SLIT3: variants seen among roughly 807,000 people sequenced by gnomAD.
SLIT3 encodes slit homolog 3 protein.
SLIT3 carries 68 observed loss-of-function variants against 184.0 expected under a neutral mutation model. The ratio of observed to expected loss-of-function variants is 0.37; its 90% CI spans 0.30 to 0.45. The LOEUF (loss-of-function observed/expected upper bound fraction) is 0.45, where lower values mean the gene tolerates loss of function less well. Among genes scored for constraint, SLIT3 ranks in the 20% least tolerant of loss-of-function variants. The probability of loss-of-function intolerance (pLI) is 1.00; values close to 1 mark genes in which losing one functional copy is unlikely to be tolerated. For synonymous variants in SLIT3, 831 were observed against 828.6 expected (o/e 1.00, Z -0.05); for missense variants, 1,707 against 2,026.0 (o/e 0.84, Z 3.02).
At chr5:168,720,524 CACACGGA>C (rs1337877739) in intron 23 of SLIT3, 4 of 152,240 alleles carry the variant, frequency 2.6e-5, no homozygotes, top group Admixed American at 6.5e-5. Context: ...AGTGAACCCA[CACACGGA>C]ACTATTAGAC....
At chr5:168,960,412 G>C (rs1463986454) in intron 4 of SLIT3, among the ~76,000 whole-genome samples, 1 of 152,184 alleles carries the variant, frequency 6.6e-6, no homozygotes, top group Non-Finnish European at 1.5e-5. Flanking sequence ...GGTGTGATTG[G>C]TTTCATTAAT....
chr5:169,037,307 G>A (rs1175915671), intron 4 of SLIT3, among the ~76,000 whole-genome samples: 1 of 152,220 alleles, frequency 6.6e-6, no homozygotes, highest in Non-Finnish European at 1.5e-5. Flanking sequence ...TCACAAAGCA[G>A]CTCCTGGTAG....
intron 4 of SLIT3, among the ~76,000 whole-genome samples, chr5:169,102,816 C>T (rs1203399455): frequency 2.6e-5 from 4 of 152,096 alleles, no homozygotes; most frequent in South Asian, 2.1e-4. Context: ...AATCTCATCC[C>T]GAAACATCCT....
intron 4 of SLIT3, 49 bp downstream of exon 4, chr5:169,193,430 C>T (rs1030489561): frequency 1.3e-6 from 2 of 1,524,444 alleles, no homozygotes; most frequent in Non-Finnish European, 1.8e-6. Context: ...TCCACATCAC[C>T]CAAGCCAGGC....
intron 26 of SLIT3, among the ~76,000 whole-genome samples, chr5:168,702,245 G>T (rs1762238839): frequency 2.0e-5 from 3 of 152,192 alleles, no homozygotes; most frequent in African/African-American, 7.2e-5. Flanking sequence ...CTCATGCTAA[G>T]TGTTTTATAT....
At chr5:169,015,215 A>T (rs1019453583) in intron 4 of SLIT3, among the ~76,000 whole-genome samples, 6 of 152,234 alleles carry the variant, frequency 3.9e-5, no homozygotes, top group African/African-American at 1.4e-4. Flanking sequence ...TCCCCTTGTC[A>T]TCATAATCAT....
intron 1 of SLIT3, among the ~76,000 whole-genome samples, chr5:169,272,826 GC>G (rs1766674520): frequency 6.6e-6 from 1 of 152,100 alleles, no homozygotes; most frequent in African/African-American, 2.4e-5. Flanking sequence ...AATCCTCTGG[GC>G]CCCCGGGACC....
chr5:169,113,428 C>T (rs1438208135), intron 4 of SLIT3, among the ~76,000 whole-genome samples: 4 of 152,180 alleles, frequency 2.6e-5, no homozygotes, highest in Admixed American at 2.6e-4. Context: ...AATAATATCT[C>T]ATTGTCTATA....
chr5:168,760,672 A>T (rs150251619), intron 16 of SLIT3, among the ~76,000 whole-genome samples, 190 bp downstream of exon 16: 1 of 152,242 alleles, frequency 6.6e-6, no homozygotes, highest in African/African-American at 2.4e-5. Flanking sequence ...AACTGAAACC[A>T]TGAAGCATCA....
intron 1 of SLIT3, among the ~76,000 whole-genome samples, chr5:169,254,925 GA>G (rs2113601470): frequency 6.6e-6 from 1 of 152,352 alleles, no homozygotes; most frequent in Admixed American, 6.5e-5. Context: ...CTGACCCACA[GA>G]AGCTGTAAGA....
At chr5:169,066,924 C>A (rs1447634964) in intron 4 of SLIT3, among the ~76,000 whole-genome samples, 1 of 130,104 alleles carries the variant, frequency 7.7e-6, no homozygotes, top group Non-Finnish European at 1.6e-5. Context: ...GCTAAGGCAA[C>A]ACCATGATCC....
intron 3 of SLIT3, among the ~76,000 whole-genome samples, chr5:169,209,653 G>A (rs569769722): frequency 3.3e-5 from 5 of 152,298 alleles, no homozygotes; most frequent in African/African-American, 9.6e-5. Context: ...GCAGGGACAT[G>A]GATGAAGCTG....
intron 4 of SLIT3, among the ~76,000 whole-genome samples, chr5:169,041,513 A>G (rs1757448460): frequency 6.6e-6 from 1 of 152,198 alleles, no homozygotes; most frequent in South Asian, 2.1e-4. Flanking sequence ...CCTCTTGTCC[A>G]TTACATTTAC....
At chr5:168,730,490 T>G (rs1437281097) in intron 20 of SLIT3, among the ~76,000 whole-genome samples, 1 of 152,024 alleles carries the variant, frequency 6.6e-6, no homozygotes, top group East Asian at 1.9e-4. Flanking sequence ...AAAACAAGTC[T>G]TAACACATTA....
intron 4 of SLIT3, among the ~76,000 whole-genome samples, chr5:169,138,394 A>T (rs1460190638): frequency 6.6e-6 from 1 of 152,102 alleles, no homozygotes; most frequent in Non-Finnish European, 1.5e-5. Context: ...GGCTAAGGCT[A>T]GACTTTTCCT....
intron 4 of SLIT3, among the ~76,000 whole-genome samples, chr5:168,891,864 G>T (rs575645350): frequency 6.6e-6 from 1 of 152,336 alleles, no homozygotes; most frequent in East Asian, 1.9e-4. Flanking sequence ...TGCAGGTAAA[G>T]TAAATGAGGA....
intron 20 of SLIT3, among the ~76,000 whole-genome samples, chr5:168,739,721 C>T (rs1336960774): frequency 2.0e-5 from 3 of 152,172 alleles, no homozygotes; most frequent in African/African-American, 7.2e-5. Flanking sequence ...GCTGGGATTA[C>T]AGGCGTGAGC....
At chr5:169,191,829 A>G (rs1281619198) in intron 4 of SLIT3, among the ~76,000 whole-genome samples, 2 of 152,154 alleles carry the variant, frequency 1.3e-5, no homozygotes, top group African/African-American at 4.8e-5. Flanking sequence ...GGTTTCTGTG[A>G]GCAAGAACCA....
intron 4 of SLIT3, among the ~76,000 whole-genome samples, chr5:168,889,802 T>C (rs988736589): frequency 6.6e-6 from 1 of 152,100 alleles, no homozygotes; most frequent in African/African-American, 2.4e-5. Flanking sequence ...TACAAAGAAA[T>C]AGACCCCCTT....
Sources: gnomAD v4.1 joint callset for allele counts (sites outside exome capture counted in the v4.1 genomes callset) on GRCh38, gnomAD v4.1.1 for gene constraint, MANE v1.5 for transcripts, NCBI Gene and HGNC (gene_info 2026-07-23, HGNC 2026-07-21) for gene names.